The following SLC15A4 variants were observed in gnomAD, a reference collection of about 807,000 sequenced individuals.
SLC15A4 encodes the protein solute carrier family 15 member 4.
Under a neutral mutation model 46.1 loss-of-function variants are expected in SLC15A4, and 26 were observed. The ratio of observed to expected loss-of-function variants is 0.56; its 90% confidence interval spans 0.41 to 0.78. The LOEUF is 0.78. Ranked by LOEUF, SLC15A4 falls within the 30% of genes least tolerant of loss-of-function variation. The pLI is 0.00. For missense variants in SLC15A4, 751 were observed against 755.7 expected (o/e 0.99, Z 0.07); for synonymous variants, 370 against 333.4 (o/e 1.11, Z -1.20).
At position 128,814,990 on chromosome 12, in the gene SLC15A4, C is replaced by T. The variant is rs148020190; in HGVS notation, c.627G>A (p.Ser209=). The T allele has an allele frequency of 6.3e-5, 102 of 1,614,142 alleles. No individual in the cohort carries two copies. Among genetic ancestry groups the T allele is most frequent in the Middle Eastern group, 4.9e-4 (3 of 6,062 alleles). The change falls in exon 2 of 8, where the codon TCG becomes TCA. Residue 209 remains serine (S), a synonymous_variant. Transcript: ENST00000266771. ...GCTGAATATAGGCAATGCCACCTAA[C>T]GACAGGATCGCTCCCAGGTTAATGC... ...YWSINLGAIL[S]LGGIAYIQQN...
chr12:128,794,508 T>G (rs1955423217), intron 7 of SLC15A4, 152 bp from the exon 8 acceptor site: 1 of 779,156 alleles, frequency 1.3e-6, no homozygotes, highest in African/African-American at 1.8e-5. Context: ...TGCACAAGCA[T>G]CTTGCTTTCA....
Position 128,823,835 on chromosome 12 carries a change from A to C in SLC15A4, c.109T>G (p.Cys37Gly). 2 of 1,349,978 alleles carry C rather than the reference A, an allele frequency of 1.5e-6. No homozygotes were observed. The highest frequency in any genetic ancestry group is 1.9e-6 in the Non-Finnish European group (2 of 1,039,522). 83.6% of individuals were successfully genotyped at this position (1,349,978 alleles called of 1,614,324 possible). Residue 37 changes from cysteine to glycine, a missense_variant, in exon 1 of 8, where the codon TGC (cysteine) becomes GGC (glycine). Physicochemically the swap from Cys to Gly is radical, Grantham distance 159. Transcript: ENST00000266771. The stretch of plus-strand genomic sequence containing the variant: ...AGCTCCGTCAGCAGCACGGCCCCGC[A>C]CGCCGCGCGCCGGCCCGCGAACGCC... ...AGAFAGRRAACGAVLLTELLE... is the reference protein window; with the variant it reads ...AGAFAGRRAAGGAVLLTELLE...
At chr12:128,800,557 G>A (rs1955505549) in intron 6 of SLC15A4, among the ~76,000 whole-genome samples, 1 of 152,230 alleles carries the variant, frequency 6.6e-6, no homozygotes, top group African/African-American at 2.4e-5. Context: ...CATGGCCGAG[G>A]GCTCCGCTGG....
intron 5 of SLC15A4, among the ~76,000 whole-genome samples, chr12:128,806,165 C>A (rs866273081): frequency 7.0e-3 from 604 of 86,034 alleles, no homozygotes; most frequent in African/African-American, 8.8e-3. Flanking sequence ...GACTCTGTCT[C>A]AAAAAAAAAA....
chr12:128,812,586 G>A (rs1289818282), intron 2 of SLC15A4, among the ~76,000 whole-genome samples: 1 of 152,086 alleles, frequency 6.6e-6, no homozygotes, highest in Non-Finnish European at 1.5e-5. Context: ...AAAGTGCTGG[G>A]ATTACGGGCT....
At chr12:128,794,457 G>A (rs1214985598) in intron 7 of SLC15A4, 101 bp from the exon 8 acceptor site, 1 of 1,171,698 alleles carries the variant, frequency 8.5e-7, no homozygotes, top group African/African-American at 1.6e-5. Context: ...TTTAACTGGA[G>A]TCATAAAAAA....
chr12:128,803,111 C>A (rs1312098035), intron 5 of SLC15A4, among the ~76,000 whole-genome samples: 3 of 111,558 alleles, frequency 2.7e-5, no homozygotes, highest in Non-Finnish European at 6.7e-5. Context: ...GGATAATCAA[C>A]ACAGCAGTCA....
In SLC15A4 at chr12:128,823,875, G is replaced by GGCC. The variant is rs1566062006; in HGVS notation, c.66_68dup (p.Ala27dup). On this transcript the variant is annotated inframe_insertion, in exon 1 of 8. Transcript: ENST00000266771. ...CCGCGAACGCCCCAGCCGCCGCCGC[G>GGCC]GCCGCCGCCGCCCGCCGCGCGCCCA... is the stretch of plus-strand genomic sequence containing the variant. The GGCC allele has an allele frequency of 2.1e-6, 2 of 969,968 alleles. No individual in the cohort carries two copies. The highest frequency in any genetic ancestry group is 2.4e-6 in the Non-Finnish European group (2 of 817,886). The allele number at this position is 969,968 out of a possible 1,614,324, so 60.1% of individuals were successfully genotyped here. A position where few individuals can be genotyped will look rare whatever the true frequency, so the allele number is the denominator to read the frequency against.
intron 5 of SLC15A4, among the ~76,000 whole-genome samples, chr12:128,806,180 A>AAAAAAG (rs1374831145): frequency 3.3e-5 from 5 of 151,416 alleles, no homozygotes; most frequent in Admixed American, 6.6e-5. Flanking sequence ...AAAAAAAAAA[A>AAAAAAG]AAGAAAAACC....
chr12:128,809,034 G>A (rs2135713551), intron 4 of SLC15A4, 78 bp from the exon 5 acceptor site: 1 of 1,348,912 alleles, frequency 7.4e-7, no homozygotes, highest in Non-Finnish European at 1.0e-6. Context: ...ACGTCTCAAT[G>A]GGAGAAATGC....
intron 1 of SLC15A4, among the ~76,000 whole-genome samples, chr12:128,822,727 T>G (rs370866342): frequency 6.6e-6 from 1 of 152,138 alleles, no homozygotes; most frequent in Non-Finnish European, 1.5e-5. Flanking sequence ...AATTTTTGTA[T>G]TTTTAGCCAG....
intron 1 of SLC15A4, among the ~76,000 whole-genome samples, chr12:128,822,059 C>T (rs1292482150): frequency 2.0e-5 from 3 of 152,202 alleles, no homozygotes; most frequent in East Asian, 3.8e-4. Context: ...AACGCTTTAA[C>T]ACTCCTCACA....
At chr12:128,794,493 CA>C (rs1192422984) in intron 7 of SLC15A4, 137 bp from the exon 8 acceptor site, 62 of 818,738 alleles carry the variant, frequency 7.6e-5, no homozygotes, top group Non-Finnish European at 1.1e-4. Flanking sequence ...CTCTGTAGTC[CA>C]AAATGCACAA....
intron 1 of SLC15A4, among the ~76,000 whole-genome samples, chr12:128,818,809 C>T (rs1955793370): frequency 6.6e-6 from 1 of 152,212 alleles, no homozygotes; most frequent in African/African-American, 2.4e-5. Context: ...TAATCTACTT[C>T]CAGTCTCTGT....
intron 2 of SLC15A4, among the ~76,000 whole-genome samples, chr12:128,812,260 C>G (rs776521489): frequency 6.6e-6 from 1 of 152,234 alleles, no homozygotes; most frequent in African/African-American, 2.4e-5. Flanking sequence ...AGTGTCACAA[C>G]TGTAAAAATG....
intron 5 of SLC15A4, among the ~76,000 whole-genome samples, chr12:128,806,030 A>G (rs1026615156): frequency 6.6e-6 from 1 of 151,814 alleles, no homozygotes; most frequent in African/African-American, 2.4e-5. Flanking sequence ...TTAGCCGGGC[A>G]TGGTGGTGGG....
chr12:128,800,905 C>G lies in SLC15A4; in HGVS notation c.1363G>C (p.Val455Leu). Residue 455 changes from valine to leucine, a missense_variant, in exon 6 of 8, where the codon GTG becomes CTG. By Grantham distance (32) the Val-to-Leu change is conservative. Coordinates refer to ENST00000266771, the MANE Select transcript of SLC15A4 (RefSeq NM_145648.4). ...HAADLSLWWQ[V>L]PQYLLIGISE... ...ATCCCAATCAGCAAGTACTGCGGCA[C>G]CTGCCACCACAGCGACAGATCGGCA... The G allele has an allele frequency of 1.2e-6, 2 of 1,614,116 alleles. No individual in the cohort carries two copies. The highest frequency in any genetic ancestry group is 8.5e-7 in the Non-Finnish European group (1 of 1,180,028).
intron 3 of SLC15A4, chr12:128,809,683 C>T: frequency 5.5e-6 from 3 of 543,602 alleles, no homozygotes; most frequent in East Asian, 6.0e-5. Flanking sequence ...GGCCAGTTAT[C>T]CAAAGGAGAA....
chr12:128,808,354 T>C (rs2135713026), intron 5 of SLC15A4, among the ~76,000 whole-genome samples: 1 of 152,274 alleles, frequency 6.6e-6, no homozygotes, highest in East Asian at 1.9e-4. Flanking sequence ...CACAGAATTT[T>C]ACATAAAAAA....
Sources: gnomAD v4.1 joint callset for allele counts (sites outside exome capture counted in the v4.1 genomes callset) on GRCh38, gnomAD v4.1.1 for gene constraint, MANE v1.5 for transcripts, NCBI Gene and HGNC (gene_info 2026-07-23, HGNC 2026-07-21) for gene names.